Variants in MYCBP2 observed in about 807,000 individuals in gnomAD.
The protein encoded by MYCBP2 is MYC binding protein 2.
In MYCBP2, 120 loss-of-function variants were observed where a neutral mutation model predicts 525.3. The ratio of observed to expected loss-of-function variants is 0.23; its 90% CI spans 0.20 to 0.27. The LOEUF (loss-of-function observed/expected upper bound fraction) is 0.27. Ranked by LOEUF, MYCBP2 falls within the 10% of genes least tolerant of loss-of-function variation. MYCBP2 has a pLI of 1.00. For synonymous variants in MYCBP2, 1,894 were observed against 1,955.8 expected (o/e 0.97, Z 0.83); for missense variants, 4,149 against 5,657.1 (o/e 0.73, Z 8.55).
In MYCBP2 at chr13:77,067,568, G is replaced by A. The variant is rs1206960229; in HGVS notation, c.12455+13C>T. On this transcript the variant is annotated intron_variant, in intron 71 of 82. Transcript: ENST00000544440. ...TATTCTGTTTTGGTACTAAAATAGA[G>A]GCAATAACTAACCTGGAATTGAAAA... 5.0e-6 allele frequency: 8 copies of A among 1,613,094 alleles called. No individual in the cohort carries two copies.
Position 77,268,031 on chromosome 13 carries a change from A to C in MYCBP2, c.1261-94T>G, listed in dbSNP as rs185706864. 6 of 649,542 alleles carry C rather than the reference A, an allele frequency of 9.2e-6. No individual in the cohort carries two copies. In the African/African-American group the frequency reaches 1.1e-4, roughly 12 times the overall value. 40.2% of individuals were successfully genotyped at this position (649,542 alleles called of 1,614,324 possible). A position where few individuals can be genotyped will look rare whatever the true frequency, so the allele number is the denominator to read the frequency against. On this transcript the variant is annotated intron_variant, in intron 7 of 82. Coordinates refer to ENST00000544440, the MANE Select transcript of MYCBP2 (RefSeq NM_015057.5). ...GCTCCATATTACAGGTTTTTGAGGT[A>C]CAATAATACATCAATATTGATGTCT...
rs960323842 is a variant in MYCBP2, at chr13:77,058,426, A to T, written c.13141-20T>A. On this transcript the variant is annotated intron_variant, in intron 77 of 82. Coordinates refer to ENST00000544440, the MANE Select transcript of MYCBP2 (RefSeq NM_015057.5). The surrounding 1 kb of genome is among the most constrained non-coding windows in gnomAD (Gnocchi z 4.1). ...GTATTCCTGTTAAAGATGAATTACAATGTTACACAAGTATGTAAAAAAGCA... is the reference window on the plus strand; with the variant it reads ...GTATTCCTGTTAAAGATGAATTACATTGTTACACAAGTATGTAAAAAAGCA... 110 of 1,554,912 alleles carry T rather than the reference A, an allele frequency of 7.1e-5. No individual in the cohort carries two copies. Among genetic ancestry groups the T allele is most frequent in the Middle Eastern group, 5.1e-4 (3 of 5,832 alleles).
In MYCBP2 at chr13:77,055,725, T is replaced by C. The variant is rs747205701; in HGVS notation, c.13480A>G (p.Ile4494Val). The C allele has an allele frequency of 3.7e-6, 6 of 1,613,734 alleles. No individual in the cohort carries two copies. The Admixed American group carries it at 5.0e-5, about 13-fold the overall frequency. Reference sequence around the variant, plus strand: ...CTGACATCCTCATAGAGTTCTTTTATTGGATCAAGTAGGTCTTTTAGTACT... The same window carrying C: ...CTGACATCCTCATAGAGTTCTTTTACTGGATCAAGTAGGTCTTTTAGTACT... ...HIVLKDLLDP[I>V]KELYEDVRRK... The change falls in exon 80 of 83, where the codon ATA (isoleucine) becomes GTA (valine). Residue 4494 changes from isoleucine (I) to valine (V), a missense_variant. Ile to Val is a conservative substitution (Grantham distance 29). Coordinates refer to ENST00000544440, the MANE Select transcript of MYCBP2 (RefSeq NM_015057.5).
chr13:77,094,546 G>A (rs1490664834), intron 58 of MYCBP2, among the ~76,000 whole-genome samples: 1 of 152,160 alleles, frequency 6.6e-6, no homozygotes, highest in Non-Finnish European at 1.5e-5. Context: ...TTACTTGGGT[G>A]AACCAATCAC....
intron 54 of MYCBP2, among the ~76,000 whole-genome samples, chr13:77,123,261 T>G (rs2051069607): frequency 6.6e-6 from 1 of 152,196 alleles, no homozygotes; most frequent in South Asian, 2.1e-4. Context: ...AGGTTTTATA[T>G]TAAAATAGTA....
At chr13:77,187,701 T>G (rs148659498) in intron 30 of MYCBP2, among the ~76,000 whole-genome samples, 3 of 152,174 alleles carry the variant, frequency 2.0e-5, no homozygotes, top group African/African-American at 7.2e-5. Flanking sequence ...GCAAGCATGT[T>G]GTAGAGCATC....
intron 14 of MYCBP2, among the ~76,000 whole-genome samples, chr13:77,255,430 G>C (rs915531653): frequency 1.3e-5 from 2 of 151,764 alleles, no homozygotes; most frequent in African/African-American, 4.8e-5. Context: ...GAAGAATCTA[G>C]AACATAGGTG....
chr13:77,097,233 A>T, intron 56 of MYCBP2, 137 bp downstream of exon 56: 1 of 1,219,866 alleles, frequency 8.2e-7, no homozygotes, highest in Non-Finnish European at 1.1e-6. Context: ...CTGTACTGAT[A>T]ATGTACTTTA....
At chr13:77,125,593 A>C in intron 53 of MYCBP2, 125 bp from the exon 54 acceptor site, 2 of 1,079,994 alleles carry the variant, frequency 1.9e-6, no homozygotes, top group Non-Finnish European at 2.6e-6. Flanking sequence ...CTAAGAAATT[A>C]GTTTCTGAAA....
At chr13:77,100,645 C>T (rs1035890330) in intron 55 of MYCBP2, among the ~76,000 whole-genome samples, 7 of 151,992 alleles carry the variant, frequency 4.6e-5, no homozygotes, top group Non-Finnish European at 8.8e-5. Flanking sequence ...CACTGATGAA[C>T]TAAATGTTTA....
chr13:77,264,069 C>G, intron 8 of MYCBP2, 67 bp from the exon 9 acceptor site: 2 of 1,289,580 alleles, frequency 1.6e-6, no homozygotes, highest in Non-Finnish European at 2.2e-6. Context: ...ATTTACTCCT[C>G]TGTTGAAGTC....
chr13:77,206,141 A>G (rs1204332467), intron 24 of MYCBP2, among the ~76,000 whole-genome samples: 6 of 152,072 alleles, frequency 3.9e-5, no homozygotes, highest in Non-Finnish European at 7.4e-5. Flanking sequence ...AGTTACATAG[A>G]GTGATATAAA....
intron 10 of MYCBP2, among the ~76,000 whole-genome samples, 154 bp from the exon 11 acceptor site, chr13:77,262,283 C>T (rs932293150): frequency 6.6e-6 from 1 of 151,906 alleles, no homozygotes; most frequent in Non-Finnish European, 1.5e-5. Flanking sequence ...AAAATATTAA[C>T]CATAGGTATA....
intron 54 of MYCBP2, among the ~76,000 whole-genome samples, chr13:77,125,104 A>G (rs546931328): frequency 1.3e-5 from 2 of 152,230 alleles, no homozygotes; most frequent in Non-Finnish European, 2.9e-5. Context: ...TGTTTTATAA[A>G]GATGAGTCTA....
At chr13:77,240,767 A>C (rs1011639838) in intron 17 of MYCBP2, among the ~76,000 whole-genome samples, 2 of 152,200 alleles carry the variant, frequency 1.3e-5, no homozygotes, top group African/African-American at 4.8e-5. Flanking sequence ...CATGGTTCCA[A>C]TGTGCACACA....
intron 81 of MYCBP2, 31 bp from the exon 82 acceptor site, chr13:77,051,193 A>T (rs778438673): frequency 6.3e-7 from 1 of 1,576,954 alleles, no homozygotes. Context: ...CAGACACAAG[A>T]TCATAGTGAG....
In MYCBP2 at chr13:77,243,177, A is replaced by AAAC. The variant is rs577131164; in HGVS notation, c.2528-20_2528-18dup. Reference sequence around the variant, plus strand: ...CTGGGACAGCTAGATGATTGGCCAAAAACAACAACAACAACAACATATATG... The same window carrying AAAC: ...CTGGGACAGCTAGATGATTGGCCAAAAACAACAACAACAACAACAACATATATG... On this transcript the variant is annotated splice_polypyrimidine_tract_variant and intron_variant, in intron 16 of 82. Coordinates refer to ENST00000544440, the MANE Select transcript of MYCBP2 (RefSeq NM_015057.5). The AAAC allele has an allele frequency of 2.5e-4, 379 of 1,509,012 alleles. No individual in the cohort carries two copies. The highest frequency in any genetic ancestry group is 3.1e-4 in the Non-Finnish European group (331 of 1,084,148). The allele number at this position is 1,509,012 out of a possible 1,614,324, so 93.5% of individuals were successfully genotyped here.
rs2063963940 is a variant in MYCBP2, at chr13:77,211,211, T to G, written c.3372A>C (p.Gln1124His). Residue 1124 changes from glutamine (Q) to histidine (H), a missense_variant, in exon 23 of 83, where the codon CAA becomes CAC. Gln to His is a conservative substitution (Grantham distance 24). This residue lies in a region of MYCBP2 where 620 missense variants were observed against 795.5 expected (regional missense o/e 0.78). Transcript: ENST00000544440. ...CAGGATCAAGACACACACCAAATCC[T>G]TGCAGATCCTCTTGTTCTGAGTCAT... ...TFNDSEQEDL[Q>H]GFGVCLDPVY... is the part of the protein sequence containing the mutation. 6.5e-7 allele frequency: 1 copy of G among 1,529,354 alleles called. No homozygotes were observed. Among genetic ancestry groups the G allele is most frequent in the East Asian group, 2.5e-5 (1 of 40,360 alleles). The allele number at this position is 1,529,354 out of a possible 1,614,324, so 94.7% of individuals were successfully genotyped here. A position where few individuals can be genotyped will look rare whatever the true frequency, so the allele number is the denominator to read the frequency against.
At chr13:77,237,811 T>A (rs537062196) in intron 17 of MYCBP2, among the ~76,000 whole-genome samples, 1 of 152,216 alleles carries the variant, frequency 6.6e-6, no homozygotes, top group Non-Finnish European at 1.5e-5. Context: ...TGATCTATTT[T>A]TTCTTACTTA....
Sources: allele counts gnomAD v4.1 joint callset (sites outside exome capture counted in the v4.1 genomes callset), GRCh38; gene constraint gnomAD v4.1.1; regional missense constraint gnomAD v4.1.1; non-coding constraint Gnocchi (gnomAD v3.1); transcripts MANE v1.5; gene names NCBI Gene and HGNC (gene_info 2026-07-23, HGNC 2026-07-21).